PBDC1: variants seen among roughly 807,000 people sequenced by gnomAD.
PBDC1 encodes polysaccharide biosynthesis domain containing 1.
Under a neutral mutation model 12.0 loss-of-function variants are expected in PBDC1, and 3 were observed. The ratio of observed to expected loss-of-function variants is 0.25; its 90% CI spans 0.11 to 0.64. The LOEUF is 0.64. Among genes scored for constraint, PBDC1 ranks in the 30% least tolerant of loss-of-function variants. PBDC1 has a pLI of 0.84. For synonymous variants in PBDC1, 64 were observed against 56.4 expected (o/e 1.13, Z -0.60); for missense variants, 162 against 168.1 (o/e 0.96, Z 0.20).
chrX:76,173,752 T>C, intron 2 of PBDC1, 102 bp downstream of exon 2: 1 of 450,747 alleles, frequency 2.2e-6, no homozygotes, highest in African/African-American at 2.5e-5. Flanking sequence ...GATAATCTAC[T>C]GCAGACCCTC....
rs782571223 is a variant in PBDC1, at chrX:76,177,947, T to A, written c.*39T>A. 5.0e-6 allele frequency: 6 copies of A among 1,201,681 alleles called. No homozygotes were observed. In the South Asian group the frequency reaches 1.1e-4, roughly 22 times the overall value. On this transcript the variant is annotated 3_prime_UTR_variant, in exon 6 of 6. Transcript: ENST00000373358. ...CAGCACTCTAGAAGCTATGACTCAA[T>A]TGAGACTACAAGTACCACGGTGCTA...
rs782784075 is a variant in PBDC1 at position 76,174,893 on chromosome X, G to C, written c.100G>C (p.Asp34His). The C allele has an allele frequency of 9.1e-6, 11 of 1,207,783 alleles. No homozygotes were observed. Among genetic ancestry groups the C allele is most frequent in the Non-Finnish European group, 1.1e-5 (10 of 891,608 alleles). The change falls in exon 3 of 6, where the codon GAC (aspartate) becomes CAC (histidine). Residue 34 changes from aspartate to histidine, a missense_variant. Physicochemically the swap from Asp to His is moderately conservative, Grantham distance 81. Coordinates refer to ENST00000373358, the MANE Select transcript of PBDC1 (RefSeq NM_016500.5). ...GGCATTCTTCACTCCTTTGCAGCCT[G>C]ACATTGAGATGGCTTGGGCCATGAG... Reference protein sequence around the residue: ...LPAESYGNDPDIEMAWAMRAM... With the variant: ...LPAESYGNDPHIEMAWAMRAM...
At position 76,173,701 on chromosome X, in the gene PBDC1, C is replaced by T. The variant is rs1287995490; in HGVS notation, c.96+51C>T. ...CACCCACTCAGCTAGCCTGGGATCT[C>T]TGCAGGACCTGCCTGCCACTAAGTT... On this transcript the variant is annotated intron_variant, in intron 2 of 5. Coordinates refer to ENST00000373358, the MANE Select transcript of PBDC1 (RefSeq NM_016500.5). 5 of 845,847 alleles carry T rather than the reference C, an allele frequency of 5.9e-6. No individual in the cohort carries two copies. In the African/African-American group the frequency reaches 8.2e-5, roughly 14 times the overall value. The allele number at this position is 845,847 out of a possible 1,213,427, so 69.7% of individuals were successfully genotyped here.
intron 3 of PBDC1, 151 bp downstream of exon 3, chrX:76,175,100 C>T (rs1052026883): frequency 2.2e-5 from 11 of 501,146 alleles, no homozygotes; most frequent in African/African-American, 1.4e-4. Flanking sequence ...AACAGAGGAG[C>T]GAAGGCAAAT....
Position 76,175,763 on chromosome X carries a change from A to G in PBDC1, c.297+150A>G, listed in dbSNP as rs888631785. 15 of 450,776 alleles carry G rather than the reference A, an allele frequency of 3.3e-5. No homozygotes were observed. In the African/African-American group the frequency reaches 3.5e-4, roughly 10 times the overall value. 37.1% of individuals were successfully genotyped at this position (450,776 alleles called of 1,213,427 possible). ...CTAGTTGTAATCAACTAAGTTAGGA[A>G]ATGAATGTTTTTCCAGTTTATGGAC... On this transcript the variant is annotated intron_variant, in intron 4 of 5. Coordinates refer to ENST00000373358, the MANE Select transcript of PBDC1 (RefSeq NM_016500.5).
At chrX:76,176,729 G>C in intron 4 of PBDC1, 152 bp from the exon 5 acceptor site, 1 of 432,260 alleles carries the variant, frequency 2.3e-6, no homozygotes. Flanking sequence ...GCACAGAAAC[G>C]CATTGCTAGT....
intron 4 of PBDC1, 133 bp downstream of exon 4, chrX:76,175,746 A>T (rs926831825): frequency 1.1e-4 from 53 of 470,566 alleles, no homozygotes; most frequent in South Asian, 5.0e-4. Flanking sequence ...TTCTAGTTGT[A>T]ATCAACTAAG....
At chrX:76,174,706 T>C (rs1235225290) in intron 2 of PBDC1, among the ~76,000 whole-genome samples, 184 bp from the exon 3 acceptor site, 6 of 112,423 alleles carry the variant, frequency 5.3e-5, no homozygotes, top group African/African-American at 1.9e-4. Flanking sequence ...GTAGCTTTTT[T>C]TGGTTGTCAT....
At chrX:76,177,477 G>C (rs1556797064) in intron 5 of PBDC1, 139 bp from the exon 6 acceptor site, 1 of 520,080 alleles carries the variant, frequency 1.9e-6, no homozygotes, top group Non-Finnish European at 3.1e-6. Flanking sequence ...CTTGAACCAG[G>C]GAAATTGAGG....
At chrX:76,173,507 G>A in intron 1 of PBDC1, 78 bp from the exon 2 acceptor site, 2 of 732,429 alleles carry the variant, frequency 2.7e-6, no homozygotes, top group Non-Finnish European at 4.0e-6. Context: ...ACAGGCACGA[G>A]TCACTGCGAC....
At chrX:76,173,537 C>T (rs782088023) in intron 1 of PBDC1, 48 bp from the exon 2 acceptor site, 4 of 1,047,788 alleles carry the variant, frequency 3.8e-6, no homozygotes, top group South Asian at 4.5e-5. Context: ...GGGGAGCCAC[C>T]GCGCCCGGCC....
chrX:76,174,312 C>G (rs1556796714), intron 2 of PBDC1, among the ~76,000 whole-genome samples: 1 of 111,216 alleles, frequency 9.0e-6, no homozygotes, highest in Non-Finnish European at 1.9e-5. Flanking sequence ...ATGGCTTTTT[C>G]TGGAGTCAGT....
At chrX:76,173,783 C>A in intron 2 of PBDC1, 133 bp downstream of exon 2, 1 of 340,012 alleles carries the variant, frequency 2.9e-6, no homozygotes, top group Non-Finnish European at 4.9e-6. Context: ...CCAGAAACTG[C>A]ACCTTCGTTC....
chrX:76,174,167 A>G (rs1464461648), intron 2 of PBDC1, among the ~76,000 whole-genome samples: 2 of 112,279 alleles, frequency 1.8e-5, no homozygotes, highest in African/African-American at 3.2e-5. Flanking sequence ...AGAAATCCCT[A>G]AGGGGCCAAG....
chrX:76,174,257 C>A (rs6647955), intron 2 of PBDC1, among the ~76,000 whole-genome samples: 17,258 of 110,470 alleles, frequency 0.16, 1,077 homozygotes, highest in African/African-American at 0.2. Flanking sequence ...TGGATTGGCA[C>A]GTGGGAAAAG....
intron 5 of PBDC1, 42 bp downstream of exon 5, chrX:76,177,034 T>C (rs782570384): frequency 2.2e-6 from 2 of 909,184 alleles, no homozygotes; most frequent in Admixed American, 4.4e-5. Context: ...GTAAGGAGAC[T>C]GAACAGTCTG....
At chrX:76,175,039 C>G (rs1924755402) in intron 3 of PBDC1, 90 bp downstream of exon 3, 1 of 745,286 alleles carries the variant, frequency 1.3e-6, no homozygotes. Flanking sequence ...GCAAGTTAAA[C>G]AGTTGTGTTT....
At position 76,177,926 on chromosome X, in the gene PBDC1, A is replaced by G. The variant is rs1924832741; in HGVS notation, c.*18A>G. The stretch of plus-strand genomic sequence containing the variant: ...CTATGTAAGGTATACAGGGAACAGC[A>G]CTCTAGAAGCTATGACTCAATTGAG... On this transcript the variant is annotated 3_prime_UTR_variant, in exon 6 of 6. Coordinates refer to ENST00000373358, the MANE Select transcript of PBDC1 (RefSeq NM_016500.5). 1.7e-6 allele frequency: 2 copies of G among 1,204,428 alleles called. No individual in the cohort carries two copies. The highest frequency in any genetic ancestry group is 3.5e-5 in the African/African-American group (2 of 56,911).
intron 4 of PBDC1, among the ~76,000 whole-genome samples, 178 bp downstream of exon 4, chrX:76,175,791 T>C (rs1004289685): frequency 2.9e-4 from 32 of 112,257 alleles, no homozygotes; most frequent in African/African-American, 1.0e-3. Context: ...TTATGGACTT[T>C]TCATGTTGTT....
Sources: allele counts gnomAD v4.1 joint callset (sites outside exome capture counted in the v4.1 genomes callset), GRCh38; gene constraint gnomAD v4.1.1; transcripts MANE v1.5; gene names NCBI Gene and HGNC (gene_info 2026-07-23, HGNC 2026-07-21).